Variants in GFPT1 observed in about 807,000 individuals in gnomAD.
The protein encoded by GFPT1 is glutamine--fructose-6-phosphate aminotransferase [isomerizing] 1.
In GFPT1, 40 loss-of-function variants were observed where a neutral mutation model predicts 92.0. That is an observed-to-expected ratio of 0.43 (90% CI 0.34 to 0.57). The LOEUF (loss-of-function observed/expected upper bound fraction) is 0.57. GFPT1 is among the 20% of genes least tolerant of loss of function. The pLI is 0.02. For missense variants in GFPT1, 448 were observed against 869.1 expected (o/e 0.52, Z 6.09); for synonymous variants, 269 against 280.6 (o/e 0.96, Z 0.41).
intron 17 of GFPT1, 133 bp from the exon 18 acceptor site, chr2:69,328,571 TA>T: frequency 1.6e-6 from 1 of 641,946 alleles, no homozygotes; most frequent in Non-Finnish European, 2.8e-6. Flanking sequence ...CACTGATCTA[TA>T]AATATATCTA....
In GFPT1 at chr2:69,321,047, G is replaced by GT. The variant is rs768013403; in HGVS notation, c.*5141dup. ...AGCTTGCTGTTCATAAAAGGATTCTGTAAGGGAAACTTTGCTCTATAATTA... is the reference window on the plus strand; with the variant it reads ...AGCTTGCTGTTCATAAAAGGATTCTGTTAAGGGAAACTTTGCTCTATAATTA... On this transcript the variant is annotated 3_prime_UTR_variant, in exon 20 of 20. Transcript: ENST00000357308. 8 of 152,238 alleles carry GT rather than the reference G, an allele frequency of 5.3e-5. No homozygotes were observed. Among genetic ancestry groups the GT allele is most frequent in the Non-Finnish European group, 7.3e-5 (5 of 68,040 alleles). The allele number at this position is 152,238 out of a possible 1,614,324, so 9.4% of individuals were successfully genotyped here. A position where few individuals can be genotyped will look rare whatever the true frequency, so the allele number is the denominator to read the frequency against.
intron 4 of GFPT1, among the ~76,000 whole-genome samples, chr2:69,362,815 T>TA (rs1306940100): frequency 6.6e-6 from 1 of 151,336 alleles, no homozygotes; most frequent in Admixed American, 6.6e-5. Flanking sequence ...ATAATAAAAA[T>TA]AAAAAAAATG....
At position 69,322,068 on chromosome 2, in the gene GFPT1, T is replaced by C. The variant is rs560298974; in HGVS notation, c.*4121A>G. On this transcript the variant is annotated 3_prime_UTR_variant, in exon 20 of 20. Coordinates refer to ENST00000357308, the MANE Select transcript of GFPT1 (RefSeq NM_001244710.2). ...TCAAAATATTAACAATCTTCAAGTA[T>C]AGTGAGAAAAAAACTGATTTAAGTG... 1.3e-4 allele frequency: 20 copies of C among 152,284 alleles called. No homozygotes were observed. The highest frequency in any genetic ancestry group is 2.6e-4 in the Non-Finnish European group (18 of 67,998). The allele number at this position is 152,284 out of a possible 1,614,324, so 9.4% of individuals were successfully genotyped here.
intron 3 of GFPT1, among the ~76,000 whole-genome samples, chr2:69,369,758 T>C (rs544288613): frequency 2.6e-5 from 4 of 152,378 alleles, no homozygotes; most frequent in African/African-American, 9.6e-5. Context: ...GAGCTTACAC[T>C]GAAGGTAATA....
rs1238646462 is a variant in GFPT1 at position 69,344,794 on chromosome 2, C to G, written c.1105+1110G>C. Among the ~76,000 whole-genome samples the G allele has an allele frequency of 2.6e-5, 4 of 151,818 alleles. No individual in the cohort carries two copies. The East Asian group carries it at 7.8e-4, about 29-fold the overall frequency. ...CAGTAGCCAGGGCTACAGGCACCCA[C>G]CACCACACCCAGCTAATTTTTTAAA... On this transcript the variant is annotated intron_variant, in intron 12 of 19. Transcript: ENST00000357308.
Position 69,321,199 on chromosome 2 carries a change from T to A in GFPT1, c.*4990A>T, listed in dbSNP as rs1670395605. On this transcript the variant is annotated 3_prime_UTR_variant, in exon 20 of 20. Transcript: ENST00000357308. Reference sequence around the variant, plus strand: ...ATCATTGCATACCCCGTAAACTTCCTATAAACAATATGTTATTGCAAAATG... The same window carrying A: ...ATCATTGCATACCCCGTAAACTTCCAATAAACAATATGTTATTGCAAAATG... 6.6e-6 allele frequency: 1 copy of A among 152,216 alleles called. No homozygotes were observed. Among genetic ancestry groups the A allele is most frequent in the African/African-American group, 2.4e-5 (1 of 41,468 alleles). The allele number at this position is 152,216 out of a possible 1,614,324, so 9.4% of individuals were successfully genotyped here. A position where few individuals can be genotyped will look rare whatever the true frequency, so the allele number is the denominator to read the frequency against.
At chr2:69,352,011 C>T (rs1188468530) in intron 9 of GFPT1, among the ~76,000 whole-genome samples, 1 of 152,154 alleles carries the variant, frequency 6.6e-6, no homozygotes, top group African/African-American at 2.4e-5. Flanking sequence ...CTTTTAATCC[C>T]AGCACTTTGG....
chr2:69,347,590 G>C (rs895713766), intron 11 of GFPT1, among the ~76,000 whole-genome samples: 2 of 151,038 alleles, frequency 1.3e-5, no homozygotes, highest in African/African-American at 4.9e-5. Flanking sequence ...CCATTCTCCT[G>C]CCTCAGCCTC....
intron 10 of GFPT1, among the ~76,000 whole-genome samples, chr2:69,349,389 C>T (rs2104637827): frequency 6.6e-6 from 1 of 152,300 alleles, no homozygotes; most frequent in South Asian, 2.1e-4. Flanking sequence ...ACACCTTACA[C>T]ACCTGTAAAA....
At chr2:69,348,037 T>C in intron 11 of GFPT1, 134 bp downstream of exon 11, 1 of 765,422 alleles carries the variant, frequency 1.3e-6, no homozygotes, top group Non-Finnish European at 2.3e-6. Context: ...TCCCTTTTCC[T>C]AGCGTTGTCC....
chr2:69,329,757 A>T lies in GFPT1; in HGVS notation c.1524T>A (p.Leu508=). 1.9e-6 allele frequency: 3 copies of T among 1,612,732 alleles called. No homozygotes were observed. Among genetic ancestry groups the T allele is most frequent in the Non-Finnish European group, 2.5e-6 (3 of 1,178,704 alleles). The part of the protein sequence containing the change: ...SQFVSLVMFA[L]MMCDDRISMQ... ...TGGAGATCCGATCATCACACATCAT[A>T]AGGGCAAACATCACAAGGGATACAA... The change falls in exon 16 of 20, where the codon CTT becomes CTA. Residue 508 remains leucine (L), a synonymous_variant. Transcript: ENST00000357308.
intron 15 of GFPT1, among the ~76,000 whole-genome samples, chr2:69,336,575 AAAAC>A (rs1311475368): frequency 6.6e-6 from 1 of 151,822 alleles, no homozygotes; most frequent in Non-Finnish European, 1.5e-5. Context: ...AAATATTGAG[AAAAC>A]AAAAATGTGA....
intron 2 of GFPT1, among the ~76,000 whole-genome samples, chr2:69,371,815 C>A (rs1168468455): frequency 1.3e-5 from 2 of 148,798 alleles, no homozygotes; most frequent in Non-Finnish European, 3.0e-5. Context: ...CCAGGCTGGG[C>A]GACAGAGCAA....
chr2:69,386,803 T>C (rs916258126), intron 1 of GFPT1, among the ~76,000 whole-genome samples: 8 of 152,208 alleles, frequency 5.3e-5, no homozygotes, highest in Admixed American at 2.0e-4. Context: ...TTTCGGTTCC[T>C]TCTCCGCGCC....
Position 69,368,784 on chromosome 2 carries a change from T to C in GFPT1, c.223+1217A>G, listed in dbSNP as rs75186120. On this transcript the variant is annotated intron_variant, in intron 3 of 19. Transcript: ENST00000357308. Reference sequence around the variant, plus strand: ...CACGAAGAGGCATGTTTCAATATGCTGACATTGAAAAATGGTGATTCTGTT... The same window carrying C: ...CACGAAGAGGCATGTTTCAATATGCCGACATTGAAAAATGGTGATTCTGTT... Among the ~76,000 whole-genome samples, 1,262 of 151,922 alleles carry C rather than the reference T, an allele frequency of 8.3e-3. 18 individuals are homozygous for C. Among genetic ancestry groups the C allele is most frequent in the African/African-American group, 0.029 (1,210 of 41,440 alleles).
chr2:69,368,616 C>A (rs967166552), intron 3 of GFPT1, among the ~76,000 whole-genome samples: 1 of 152,080 alleles, frequency 6.6e-6, no homozygotes, highest in Admixed American at 6.5e-5. Context: ...GTAATCCCAG[C>A]CACTCGGGAG....
At chr2:69,368,503 G>A (rs922414955) in intron 3 of GFPT1, among the ~76,000 whole-genome samples, 14 of 152,180 alleles carry the variant, frequency 9.2e-5, no homozygotes, top group South Asian at 4.2e-4. Context: ...CGAGGCAGGC[G>A]AATCACTTGA....
At chr2:69,344,475 T>C (rs1336948428) in intron 12 of GFPT1, among the ~76,000 whole-genome samples, 1 of 152,046 alleles carries the variant, frequency 6.6e-6, no homozygotes, top group Non-Finnish European at 1.5e-5. Context: ...GGGGAGGGGA[T>C]GGAGAGCACT....
intron 17 of GFPT1, 131 bp downstream of exon 17, chr2:69,329,166 A>G (rs575828746): frequency 2.2e-6 from 2 of 895,370 alleles, no homozygotes; most frequent in South Asian, 2.9e-5. Flanking sequence ...CAAAGTAAAC[A>G]AACCACAATG....
Sources: gnomAD v4.1 joint callset for allele counts (sites outside exome capture counted in the v4.1 genomes callset) on GRCh38, gnomAD v4.1.1 for gene constraint, MANE v1.5 for transcripts, NCBI Gene and HGNC (gene_info 2026-07-23, HGNC 2026-07-21) for gene names.